Variants in TRPM5 observed in about 807,000 individuals in gnomAD.
TRPM5 encodes the protein MLSN1 and TRP-related.
In TRPM5, 121 loss-of-function variants were observed where a neutral mutation model predicts 124.9. The ratio of observed to expected loss-of-function variants is 0.97; its 90% CI spans 0.84 to 1.13. The LOEUF is 1.13. Among genes scored for constraint, TRPM5 ranks in the 50% most tolerant of loss-of-function variants. The pLI is 0.00. For missense variants in TRPM5, 1,643 were observed against 1,589.1 expected (o/e 1.03, Z -0.58); for synonymous variants, 781 against 700.5 (o/e 1.11, Z -1.81).
At chr11:2,410,648 C>T (rs112898869) in intron 18 of TRPM5, 9 of 452,086 alleles carry the variant, frequency 2.0e-5, no homozygotes, top group Admixed American at 1.2e-4. Context: ...CATGGCCAAG[C>T]GGCTCTGACC....
Position 2,407,743 on chromosome 11 carries a change from G to T in TRPM5, c.2936+16C>A. On this transcript the variant is annotated intron_variant, in intron 19 of 23. Coordinates refer to ENST00000155858, the Ensembl canonical transcript of TRPM5. Reference sequence around the variant, plus strand: ...CCGCTCCAGGGCTCTCTCCTCCAGGGGTTGGGTGGAGTCACCTGAACATGG... The same window carrying T: ...CCGCTCCAGGGCTCTCTCCTCCAGGTGTTGGGTGGAGTCACCTGAACATGG... The T allele has an allele frequency of 6.2e-7, 1 of 1,612,650 alleles. No individual in the cohort carries two copies. Among genetic ancestry groups the T allele is most frequent in the Non-Finnish European group, 8.5e-7 (1 of 1,179,498 alleles).
the TRPM5 span, among the ~76,000 whole-genome samples, chr11:2,428,806 G>C: frequency 6.6e-6 from 1 of 151,900 alleles, no homozygotes; most frequent in Non-Finnish European, 1.5e-5. This position sits in a 1 kb window ranked among gnomAD's most constrained non-coding sequence, Gnocchi z 4.0. Context: ...TGGTGGTGAT[G>C]ATTGTGGTGG....
intron 16 of TRPM5, 134 bp from the exon 22 acceptor site, chr11:2,411,901 T>C: frequency 8.8e-7 from 1 of 1,132,522 alleles, no homozygotes; most frequent in South Asian, 1.5e-5. Flanking sequence ...GGCTTCATCT[T>C]TTGTTTATTT....
At chr11:2,417,603 T>A in intron 7 of TRPM5, 124 bp downstream of exon 12, 1 of 691,470 alleles carries the variant, frequency 1.4e-6, no homozygotes, top group South Asian at 1.9e-5. Context: ...TCATGTGTCA[T>A]CTTTCCTGGG....
Position 2,413,132 on chromosome 11 carries a change from A to G in TRPM5, c.2096+2T>C, listed in dbSNP as rs1361195056. On this transcript the variant is annotated splice_donor_variant, in intron 14 of 23. Transcript: ENST00000155858. LOFTEE classifies it high-confidence loss of function. ...CACCCTGCCTGGCCCTGTGCCTCGC[A>G]CCGGCTCTGCAGGCCATACAGCGGG... The G allele has an allele frequency of 6.4e-7, 1 of 1,553,642 alleles. No homozygotes were observed. The highest frequency in any genetic ancestry group is 1.2e-5 in the South Asian group (1 of 84,240).
At chr11:2,422,939 G>A in exon 1 of TRPM5, 1 of 1,613,300 alleles carries the variant, frequency 6.2e-7, no homozygotes, top group South Asian at 1.1e-5. Flanking sequence ...CTTCTTCCCA[G>A]ACCCTCCAAA....
the TRPM5 span, among the ~76,000 whole-genome samples, chr11:2,437,286 C>A: frequency 6.6e-6 from 1 of 152,196 alleles, no homozygotes; most frequent in Non-Finnish European, 1.5e-5. The surrounding 1 kb of genome is among the most constrained non-coding windows in gnomAD (Gnocchi z 5.6). Context: ...TACACCCAAG[C>A]TGTGAATTGG....
intron 17 of TRPM5, 30 bp from the exon 23 acceptor site, chr11:2,411,556 G>A (rs376474707): frequency 1.0e-5 from 16 of 1,607,494 alleles, no homozygotes; most frequent in African/African-American, 6.7e-5. Context: ...AGAGAGGGAC[G>A]TCAGCGGCCA....
intron 3 of TRPM5, among the ~76,000 whole-genome samples, 192 bp from the exon 9 acceptor site, chr11:2,420,597 G>A (rs1845757819): frequency 1.3e-5 from 2 of 152,200 alleles, no homozygotes; most frequent in African/African-American, 4.8e-5. Flanking sequence ...ACCCTCCTTC[G>A]ACAGTCAGGG....
Position 2,414,858 on chromosome 11 carries a change from G to T in TRPM5, c.1621-20C>A. 2.5e-6 allele frequency: 4 copies of T among 1,589,736 alleles called. No homozygotes were observed. Among genetic ancestry groups the T allele is most frequent in the Non-Finnish European group, 3.4e-6 (4 of 1,169,182 alleles). ...CTGGCCCTACGAGACCTGGTCTCAG[G>T]AGGCCGCCCCTCCCCTGCCCCCGCG... On this transcript the variant is annotated intron_variant, in intron 10 of 23. Transcript: ENST00000155858.
intron 6 of TRPM5, 124 bp downstream of exon 11, chr11:2,418,043 T>TG: frequency 3.9e-6 from 4 of 1,030,770 alleles, no homozygotes; most frequent in South Asian, 3.2e-5. Flanking sequence ...CGAGAGTGGG[T>TG]GGGGGGCCCA....
chr11:2,405,614 C>T (rs541938024), intron 22 of TRPM5, 21 bp from the exon 28 acceptor site: 23 of 1,553,842 alleles, frequency 1.5e-5, no homozygotes, highest in East Asian at 1.2e-4. Flanking sequence ...GAAACACGTC[C>T]GGGAAGCTCC....
chr11:2,437,620 T>C, the TRPM5 span, among the ~76,000 whole-genome samples: 1 of 152,132 alleles, frequency 6.6e-6, no homozygotes, highest in Non-Finnish European at 1.5e-5. The surrounding 1 kb of genome is among the most constrained non-coding windows in gnomAD (Gnocchi z 5.6). Flanking sequence ...GTGCCCAAAC[T>C]TGGGGACCCT....
At chr11:2,413,952 G>T in intron 12 of TRPM5, 109 bp downstream of exon 17, 1 of 1,447,344 alleles carries the variant, frequency 6.9e-7, no homozygotes, top group Non-Finnish European at 9.4e-7. Context: ...CTGTGCTGAG[G>T]ACGGGAGTGA....
At chr11:2,414,014 C>CCCCCCCCCCCCCCCCCCCACCACCA in intron 12 of TRPM5, 47 bp downstream of exon 17, 1 of 533,206 alleles carries the variant, frequency 1.9e-6, no homozygotes, top group Non-Finnish European at 3.5e-6. Context: ...AGCTCGCCCG[C>CCCCCCCCCCCCCCCCCCCACCACCA]CCACCCCACC....
At position 2,404,845 on chromosome 11, in the gene TRPM5, G is replaced by C. The variant is rs973950028; in HGVS notation, c.*92C>G. The C allele has an allele frequency of 5.5e-6, 6 of 1,085,072 alleles. No individual in the cohort carries two copies. The African/African-American group carries it at 9.3e-5, about 17-fold the overall frequency. 67.2% of individuals were successfully genotyped at this position (1,085,072 alleles called of 1,614,324 possible). ...CTGCTGGGGGGCTGGTGCCCCCTGGGGGGTTCCGCTGGAGGTCGGCAAAGG... is the reference window on the plus strand; with the variant it reads ...CTGCTGGGGGGCTGGTGCCCCCTGGCGGGTTCCGCTGGAGGTCGGCAAAGG... On this transcript the variant is annotated 3_prime_UTR_variant, in exon 24 of 24. Coordinates refer to ENST00000155858, the Ensembl canonical transcript of TRPM5.
chr11:2,425,856 T>C (rs529468326), upstream of TRPM5, among the ~76,000 whole-genome samples: 11 of 152,296 alleles, frequency 7.2e-5, no homozygotes, highest in African/African-American at 2.6e-4. Flanking sequence ...TATCCTCGCC[T>C]TCCCCATGAC....
upstream of TRPM5, among the ~76,000 whole-genome samples, chr11:2,424,481 G>A (rs977592740): frequency 2.6e-5 from 4 of 152,258 alleles, no homozygotes; most frequent in African/African-American, 4.8e-5. Flanking sequence ...GATGTATTAA[G>A]ATGTAAGTAA....
At chr11:2,414,009 G>GGCCGCCCCCCCCCCC in intron 12 of TRPM5, 52 bp downstream of exon 17, 1 of 1,023,734 alleles carries the variant, frequency 9.8e-7, no homozygotes, top group Non-Finnish European at 1.4e-6. Context: ...GGCCCAGCTC[G>GGCCGCCCCCCCCCCC]CCCGCCCACC....
Sources: gnomAD v4.1 joint callset for allele counts (sites outside exome capture counted in the v4.1 genomes callset) on GRCh38, gnomAD v4.1.1 for gene constraint, Gnocchi (gnomAD v3.1) non-coding constraint, MANE v1.5 for transcripts, NCBI Gene and HGNC (gene_info 2026-07-23, HGNC 2026-07-21) for gene names.